The following STPG2 variants were observed in gnomAD, a reference collection of about 807,000 sequenced individuals.
The protein encoded by STPG2 is sperm-tail PG-rich repeat-containing protein 2.
In STPG2, 56 loss-of-function variants were observed where a neutral mutation model predicts 54.2. The observed-to-expected ratio is 1.03, with a 90% CI of 0.83 to 1.29. The LOEUF is 1.29. Ranked by LOEUF, STPG2 falls within the 50% of genes most tolerant of loss-of-function variation. The probability of loss-of-function intolerance (pLI) is 0.00; values close to 1 mark genes in which losing one functional copy is unlikely to be tolerated. For synonymous variants in STPG2, 200 were observed against 181.8 expected (o/e 1.10, Z -0.81); for missense variants, 596 against 544.9 (o/e 1.09, Z -0.93).
At chr4:97,738,317 A>C (rs1391086363) in intron 9 of STPG2, among the ~76,000 whole-genome samples, 1 of 152,198 alleles carries the variant, frequency 6.6e-6, no homozygotes, top group East Asian at 1.9e-4. Flanking sequence ...CGAGCAAAAT[A>C]ACCAGCTAAC....
chr4:97,921,372 C>A (rs541625087), intron 8 of STPG2, among the ~76,000 whole-genome samples: 2 of 152,070 alleles, frequency 1.3e-5, no homozygotes, highest in South Asian at 4.2e-4. Context: ...TAAGAAAATT[C>A]AGTGATCTAC....
intron 10 of STPG2, among the ~76,000 whole-genome samples, chr4:97,636,177 A>T (rs1042599107): frequency 2.0e-5 from 3 of 147,530 alleles, no homozygotes; most frequent in Non-Finnish European, 4.5e-5. Context: ...AGAACTCAGG[A>T]TTAAGAATCT....
At chr4:97,733,417 A>G (rs1051417372) in intron 9 of STPG2, among the ~76,000 whole-genome samples, 1 of 152,120 alleles carries the variant, frequency 6.6e-6, no homozygotes, top group African/African-American at 2.4e-5. Flanking sequence ...AGAGTGATAT[A>G]ATGCACTTTA....
At chr4:98,021,358 GT>G (rs1736182841) in intron 5 of STPG2, among the ~76,000 whole-genome samples, 1 of 141,642 alleles carries the variant, frequency 7.1e-6, no homozygotes, top group African/African-American at 2.7e-5. Flanking sequence ...CTGAGTTCTA[GT>G]TTGATTGCAC....
At chr4:97,477,152 C>A (rs1438377782) in intron 4 of STPG2, among the ~76,000 whole-genome samples, 2 of 152,112 alleles carry the variant, frequency 1.3e-5, no homozygotes, top group Non-Finnish European at 2.9e-5. Context: ...TGGTATGTAA[C>A]CCCTCAGTAA....
chr4:98,074,105 C>T (rs1196966456), intron 5 of STPG2, among the ~76,000 whole-genome samples: 1 of 152,196 alleles, frequency 6.6e-6, no homozygotes, highest in Non-Finnish European at 1.5e-5. Context: ...AACTTTCCTA[C>T]TGAAATTACT....
intron 8 of STPG2, among the ~76,000 whole-genome samples, chr4:97,850,172 C>CA (rs1320820828): frequency 1.4e-5 from 2 of 142,074 alleles, no homozygotes; most frequent in Non-Finnish European, 3.0e-5. Flanking sequence ...ATCGCAAGAA[C>CA]AAAAAATCAA....
At chr4:97,914,548 T>C (rs1731802709) in intron 8 of STPG2, among the ~76,000 whole-genome samples, 1 of 152,112 alleles carries the variant, frequency 6.6e-6, no homozygotes, top group Non-Finnish European at 1.5e-5. Flanking sequence ...AAACTTTCCA[T>C]CTTCCCAAAC....
In STPG2 at chr4:98,134,434, C is replaced by G. The variant is rs759590305; in HGVS notation, c.135G>C (p.Leu45Phe). ...TGGTAAAAGTACTTTCTCTGGCAGT[C>G]AAAGAAAGAAATGGTGCATTACTAC... ...ATGSNAPFLS[L>F]TARESTFTIA... The change falls in exon 2 of 11, where the codon TTG becomes TTC. Residue 45 changes from leucine to phenylalanine, a missense_variant. Transcript: ENST00000295268. The G allele has an allele frequency of 7.0e-6, 11 of 1,582,376 alleles. No homozygotes were observed. Among genetic ancestry groups the G allele is most frequent in the Admixed American group, 1.7e-5 (1 of 57,544 alleles).
intron 8 of STPG2, among the ~76,000 whole-genome samples, chr4:97,897,153 G>T (rs935839416): frequency 6.6e-6 from 1 of 152,006 alleles, no homozygotes; most frequent in Non-Finnish European, 1.5e-5. Context: ...GTGAAAATAT[G>T]CAGTATTTGG....
chr4:97,943,987 A>T lies in STPG2; in HGVS notation c.954T>A (p.Gly318=). 3 of 1,609,782 alleles carry T rather than the reference A, an allele frequency of 1.9e-6. No homozygotes were observed. Among genetic ancestry groups the T allele is most frequent in the Non-Finnish European group, 2.5e-6 (3 of 1,178,382 alleles). The stretch of plus-strand genomic sequence containing the variant: ...TAGGTAATTCATCAGAAATTCCCAC[A>T]CCCTGTGAATGCCAAAATTCCTGTT... ...ADYQEFWHSQ[G]VGISDELPNL... The change falls in exon 8 of 11, where the codon GGT becomes GGA. Residue 318 remains glycine, a synonymous_variant. Transcript: ENST00000295268.
rs115873612 is a variant in STPG2, at chr4:97,455,924, G to A, written c.462+256775C>T. ...GAGGTTTGAGCAGTGGGGCACTGAAGAAGTGAGCCACTCCTGCTGTTGCAC... is the reference window on the plus strand; with the variant it reads ...GAGGTTTGAGCAGTGGGGCACTGAAAAAGTGAGCCACTCCTGCTGTTGCAC... On this transcript the variant is annotated intron_variant, in intron 4 of 4. Transcript: ENST00000522676. 6.1e-3 allele frequency among the ~76,000 whole-genome samples: 926 copies of A among 152,290 alleles called. 5 individuals carry two copies. Among genetic ancestry groups the A allele is most frequent in the African/African-American group, 0.021 (871 of 41,562 alleles).
At chr4:98,101,620 C>T (rs1407399607) in intron 5 of STPG2, among the ~76,000 whole-genome samples, 8 of 152,182 alleles carry the variant, frequency 5.3e-5, no homozygotes, top group Middle Eastern at 3.4e-3. Context: ...AGAGCAGCAG[C>T]GTAGCAATTC....
chr4:97,923,405 A>G (rs537284977), intron 8 of STPG2, among the ~76,000 whole-genome samples: 1 of 151,814 alleles, frequency 6.6e-6, no homozygotes, highest in Non-Finnish European at 1.5e-5. Context: ...TAAGGAGTGC[A>G]GGCGCACAGC....
At chr4:97,697,080 C>T (rs1224289962) in intron 10 of STPG2, among the ~76,000 whole-genome samples, 1 of 152,106 alleles carries the variant, frequency 6.6e-6, no homozygotes, top group Admixed American at 6.5e-5. Context: ...TGTCTGCATG[C>T]CACAGCCACA....
At chr4:97,481,519 A>G (rs1730220182) in intron 4 of STPG2, among the ~76,000 whole-genome samples, 1 of 151,468 alleles carries the variant, frequency 6.6e-6, no homozygotes, top group Non-Finnish European at 1.5e-5. Context: ...AATGTTAAAG[A>G]TTTTCTCACC....
chr4:97,955,887 T>C (rs1255820844), intron 7 of STPG2, among the ~76,000 whole-genome samples: 1 of 151,938 alleles, frequency 6.6e-6, no homozygotes, highest in East Asian at 1.9e-4. Flanking sequence ...TACTCAAAAA[T>C]AAATCATTCA....
intron 9 of STPG2, among the ~76,000 whole-genome samples, chr4:97,735,526 G>A (rs928545938): frequency 6.7e-6 from 1 of 149,906 alleles, no homozygotes; most frequent in African/African-American, 2.4e-5. Flanking sequence ...AACGAAAAGG[G>A]AGAATATGGA....
chr4:97,828,123 G>T (rs982709539), intron 9 of STPG2, among the ~76,000 whole-genome samples: 2 of 152,130 alleles, frequency 1.3e-5, no homozygotes, highest in African/African-American at 4.8e-5. Flanking sequence ...GAACAGCCCT[G>T]GTCTGCAGCT....
Sources: allele counts gnomAD v4.1 joint callset (sites outside exome capture counted in the v4.1 genomes callset), GRCh38; gene constraint gnomAD v4.1.1; transcripts MANE v1.5; gene names NCBI Gene and HGNC (gene_info 2026-07-23, HGNC 2026-07-21).